XPR1: variants seen among roughly 807,000 people sequenced by gnomAD.
The protein encoded by XPR1 is xenotropic and polytropic retrovirus receptor 1, also known as solute carrier family 53 member 1.
XPR1 carries 28 observed loss-of-function variants against 87.5 expected under a neutral mutation model. The ratio of observed to expected loss-of-function variants is 0.32; its 90% confidence interval spans 0.24 to 0.44. The LOEUF is 0.44. Ranked by LOEUF, XPR1 falls within the 20% of genes least tolerant of loss-of-function variation. The pLI, the probability that XPR1 is intolerant of heterozygous loss-of-function variation, is 1.00. For synonymous variants in XPR1, 300 were observed against 306.1 expected, an observed-to-expected ratio of 0.98 and a Z score of 0.21; for missense variants, 559 against 862.3, an observed-to-expected ratio of 0.65 and a Z score of 4.41.
At chr1:180,636,061 T>G (rs1654747503) in intron 1 of XPR1, among the ~76,000 whole-genome samples, 1 of 152,234 alleles carries the variant, frequency 6.6e-6, no homozygotes, top group African/African-American at 2.4e-5. Context: ...GATGAATTAA[T>G]TTTTTATTGC....
At chr1:180,831,403 T>C (rs1651061068) in intron 9 of XPR1, among the ~76,000 whole-genome samples, 1 of 149,948 alleles carries the variant, frequency 6.7e-6, no homozygotes, top group South Asian at 2.1e-4. Context: ...TGAATTTCTT[T>C]TTTTTATATA....
intron 1 of XPR1, among the ~76,000 whole-genome samples, chr1:180,673,536 G>T (rs1656256189): frequency 6.6e-6 from 1 of 152,216 alleles, no homozygotes; most frequent in Non-Finnish European, 1.5e-5. Context: ...GCCATGGCCT[G>T]TTAGGAACTG....
chr1:180,730,043 A>G lies in XPR1; in HGVS notation c.121+47632A>G, dbSNP rs532741496. Among the ~76,000 whole-genome samples, 25 of 152,324 alleles carry G rather than the reference A, an allele frequency of 1.6e-4. 1 individual carries two copies. Among genetic ancestry groups the G allele is most frequent in the Admixed American group, 1.5e-3 (23 of 15,298 alleles). ...TTTAGGTTTTACATATAAGTCTGCA[A>G]TACATCTTGAGTTGATTTTATATAT... On this transcript the variant is annotated intron_variant, in intron 2 of 14. Coordinates refer to ENST00000367590, the MANE Select transcript of XPR1 (RefSeq NM_004736.4).
At chr1:180,693,251 G>C (rs183746837) in intron 2 of XPR1, among the ~76,000 whole-genome samples, 1 of 152,294 alleles carries the variant, frequency 6.6e-6, no homozygotes, top group African/African-American at 2.4e-5. Context: ...TCCTTTTTGA[G>C]TTGTTTTCAT....
At chr1:180,803,317 A>T in intron 3 of XPR1, 71 bp from the exon 4 acceptor site, 1 of 1,396,372 alleles carries the variant, frequency 7.2e-7, no homozygotes, top group East Asian at 2.3e-5. Flanking sequence ...AATGGGAATT[A>T]TTAAAAATTC....
chr1:180,671,549 G>C (rs1291981885), intron 1 of XPR1, among the ~76,000 whole-genome samples: 2 of 152,010 alleles, frequency 1.3e-5, no homozygotes, highest in African/African-American at 2.4e-5. Flanking sequence ...TTTTGAGACG[G>C]AGTCTCGTCC....
intron 1 of XPR1, among the ~76,000 whole-genome samples, chr1:180,671,613 C>T (rs1311345708): frequency 6.6e-6 from 1 of 152,122 alleles, no homozygotes; most frequent in African/African-American, 2.4e-5. Flanking sequence ...CAGCCCCCAC[C>T]TCCTGGGTTC....
At chr1:180,844,880 C>G (rs928682432) in intron 11 of XPR1, among the ~76,000 whole-genome samples, 4 of 152,190 alleles carry the variant, frequency 2.6e-5, no homozygotes, top group Non-Finnish European at 5.9e-5. Flanking sequence ...CTGCTATCCT[C>G]CAAAGGCCAT....
chr1:180,645,844 T>G lies in XPR1; in HGVS notation c.69+13574T>G, dbSNP rs570439588. Among the ~76,000 whole-genome samples the G allele has an allele frequency of 1.2e-4, 18 of 152,352 alleles. No homozygotes were observed. The South Asian group carries it at 3.7e-3, about 32-fold the overall frequency. On this transcript the variant is annotated intron_variant, in intron 1 of 14. Coordinates refer to ENST00000367590, the MANE Select transcript of XPR1 (RefSeq NM_004736.4). Reference sequence around the variant, plus strand: ...ACTCAACATTTGGAAGTGACCTCTTTGACCCGAGCAGTGAAACCAGAAAGC... The same window carrying G: ...ACTCAACATTTGGAAGTGACCTCTTGGACCCGAGCAGTGAAACCAGAAAGC...
chr1:180,780,487 A>G (rs1186818601), intron 2 of XPR1, among the ~76,000 whole-genome samples: 2 of 152,218 alleles, frequency 1.3e-5, no homozygotes, highest in Non-Finnish European at 2.9e-5. Context: ...TTCTTTGTCC[A>G]TTTTTAAAAA....
At chr1:180,733,894 G>T (rs1002038175) in intron 2 of XPR1, among the ~76,000 whole-genome samples, 1 of 152,108 alleles carries the variant, frequency 6.6e-6, no homozygotes, top group African/African-American at 2.4e-5. Flanking sequence ...TATTTTTAGT[G>T]CTTCCTGTAC....
chr1:180,671,458 A>T (rs1656170316), intron 1 of XPR1, among the ~76,000 whole-genome samples: 1 of 152,192 alleles, frequency 6.6e-6, no homozygotes, highest in Non-Finnish European at 1.5e-5. Context: ...TGTTAACTAC[A>T]CTAGGATAAT....
chr1:180,720,472 T>C (rs1168901981), intron 2 of XPR1, among the ~76,000 whole-genome samples: 2 of 152,174 alleles, frequency 1.3e-5, no homozygotes, highest in East Asian at 1.9e-4. Flanking sequence ...TGAAAATCAT[T>C]GATGTAAAGC....
intron 2 of XPR1, among the ~76,000 whole-genome samples, chr1:180,697,806 A>C (rs1301810904): frequency 1.3e-5 from 2 of 152,142 alleles, no homozygotes; most frequent in Non-Finnish European, 2.9e-5. Flanking sequence ...GTGGTCTGAG[A>C]AGTTACTTGA....
intron 3 of XPR1, among the ~76,000 whole-genome samples, chr1:180,793,298 T>G (rs936532579): frequency 1.3e-5 from 2 of 152,152 alleles, no homozygotes; most frequent in Non-Finnish European, 2.9e-5. Context: ...GCTGTATGTT[T>G]TTATTATTGA....
At chr1:180,657,782 T>C (rs1001973012) in intron 1 of XPR1, among the ~76,000 whole-genome samples, 1 of 152,218 alleles carries the variant, frequency 6.6e-6, no homozygotes, top group African/African-American at 2.4e-5. Flanking sequence ...TCTTTTATGG[T>C]TTCATATAAA....
At chr1:180,774,380 C>A (rs1272523243) in intron 2 of XPR1, among the ~76,000 whole-genome samples, 8 of 141,072 alleles carry the variant, frequency 5.7e-5, no homozygotes, top group Non-Finnish European at 1.2e-4. Flanking sequence ...TCTGTCTTTC[C>A]TATCTTTTTT....
At chr1:180,699,176 C>T (rs1657268270) in intron 2 of XPR1, among the ~76,000 whole-genome samples, 1 of 149,496 alleles carries the variant, frequency 6.7e-6, no homozygotes, top group Non-Finnish European at 1.5e-5. Flanking sequence ...TCCCATATGT[C>T]ACATAGGCTT....
At chr1:180,779,736 G>A (rs1028010366) in intron 2 of XPR1, among the ~76,000 whole-genome samples, 5 of 151,936 alleles carry the variant, frequency 3.3e-5, no homozygotes, top group Non-Finnish European at 7.4e-5. Context: ...GGGAAAAAAA[G>A]GAAGATATAA....
Sources: allele counts gnomAD v4.1 joint callset (sites outside exome capture counted in the v4.1 genomes callset), GRCh38; gene constraint gnomAD v4.1.1; transcripts MANE v1.5; gene names NCBI Gene and HGNC (gene_info 2026-07-23, HGNC 2026-07-21).